Variants in FMR1NB observed in about 807,000 individuals in gnomAD.
FMR1NB encodes FMR1 neighbor, also known as FMR1 neighbor protein.
In FMR1NB, 10 loss-of-function variants were observed where a neutral mutation model predicts 16.8. The ratio of observed to expected loss-of-function variants is 0.60; its 90% CI spans 0.37 to 1.01. The LOEUF is 1.01. Ranked by LOEUF, FMR1NB falls within the 50% of genes least tolerant of loss-of-function variation. FMR1NB has a pLI of 0.01. For synonymous variants in FMR1NB, 83 were observed against 79.1 expected (o/e 1.05, Z -0.26); for missense variants, 205 against 204.8 (o/e 1.00, Z 0.00).
At chrX:147,983,526 T>A (rs2044461674) in intron 1 of FMR1NB, among the ~76,000 whole-genome samples, 1 of 112,376 alleles carries the variant, frequency 8.9e-6, no homozygotes. Flanking sequence ...TGGCCATTCG[T>A]ACATCTTTGG....
rs1484786211 is a variant in FMR1NB, at chrX:148,025,274, G to C, written c.*13+261G>C. ...TCAGCTTTTCAGAGGGAGAAAAGAAGTTGATCCTGCCCACTCTGACTCTAT... is the reference window on the plus strand; with the variant it reads ...TCAGCTTTTCAGAGGGAGAAAAGAACTTGATCCTGCCCACTCTGACTCTAT... On this transcript the variant is annotated intron_variant, in intron 5 of 5. Transcript: ENST00000370467. 5.4e-5 allele frequency among the ~76,000 whole-genome samples: 6 copies of C among 111,463 alleles called. No homozygotes were observed. In the Admixed American group the frequency reaches 5.7e-4, roughly 11 times the overall value.
At chrX:148,003,450 T>A (rs1158000899) in intron 2 of FMR1NB, 130 bp downstream of exon 2, 16 of 707,039 alleles carry the variant, frequency 2.3e-5, no homozygotes, top group Non-Finnish European at 3.3e-5. Context: ...CTGGCTCTGC[T>A]CTTTGGCTTA....
intron 4 of FMR1NB, among the ~76,000 whole-genome samples, chrX:148,020,085 T>C (rs2044671091): frequency 8.9e-6 from 1 of 112,336 alleles, no homozygotes. Context: ...CCCAGTGTTC[T>C]GTTGTACTGC....
chrX:148,016,964 A>C (rs1411043904), intron 4 of FMR1NB, among the ~76,000 whole-genome samples: 5 of 111,429 alleles, frequency 4.5e-5, no homozygotes, highest in African/African-American at 1.6e-4. Flanking sequence ...TTGTACCTTC[A>C]GATGATTTAT....
intron 4 of FMR1NB, among the ~76,000 whole-genome samples, chrX:148,024,398 G>A (rs782455887): frequency 9.0e-6 from 1 of 111,730 alleles, no homozygotes; most frequent in African/African-American, 3.2e-5. Context: ...ATACAAGGAG[G>A]TACGAGATTG....
intron 1 of FMR1NB, among the ~76,000 whole-genome samples, chrX:147,985,297 T>G (rs972686334): frequency 8.9e-6 from 1 of 111,824 alleles, no homozygotes; most frequent in Non-Finnish European, 1.9e-5. Flanking sequence ...ATTTTTTTTG[T>G]TGAAACATTT....
In FMR1NB at chrX:148,006,750, A is replaced by G; in HGVS notation, c.446A>G (p.Gln149Arg). Residue 149 changes from glutamine to arginine, a missense_variant, in exon 3 of 6, where the codon CAA becomes CGA. By Grantham distance (43) the Gln-to-Arg change is conservative. Coordinates refer to ENST00000370467, the MANE Select transcript of FMR1NB (RefSeq NM_152578.3). ...NQVAKPCNEL[Q>R]DLSESECLRH... is the part of the protein sequence containing the mutation. ...GTGGCAAAGCCTTGTAATGAGCTGC[A>G]AGATCTTAGTGAGAGTGAATGTTTG... is the stretch of plus-strand genomic sequence containing the variant. 8.3e-7 allele frequency: 1 copy of G among 1,209,691 alleles called. No individual in the cohort carries two copies. Among genetic ancestry groups the G allele is most frequent in the Non-Finnish European group, 1.1e-6 (1 of 894,369 alleles).
At chrX:147,982,033 T>C (rs1320382629) in intron 1 of FMR1NB, among the ~76,000 whole-genome samples, 1 of 111,952 alleles carries the variant, frequency 8.9e-6, no homozygotes, top group Non-Finnish European at 1.9e-5. Context: ...CTCACATCTG[T>C]AATCCCAGCA....
chrX:147,989,590 C>T (rs1053400669), intron 1 of FMR1NB, among the ~76,000 whole-genome samples: 2 of 112,035 alleles, frequency 1.8e-5, no homozygotes, highest in African/African-American at 6.5e-5. Flanking sequence ...CAGGCAGGAA[C>T]GTTTAAGTCT....
intron 2 of FMR1NB, among the ~76,000 whole-genome samples, chrX:148,006,009 G>A (rs782763896): frequency 9.0e-6 from 1 of 111,671 alleles, no homozygotes; most frequent in Non-Finnish European, 1.9e-5. Context: ...CTAATATTGT[G>A]CTTTTTAGTT....
At chrX:147,994,524 A>T (rs2044532048) in intron 1 of FMR1NB, among the ~76,000 whole-genome samples, 1 of 112,534 alleles carries the variant, frequency 8.9e-6, no homozygotes, top group Admixed American at 9.4e-5. Flanking sequence ...GTATTTCTGA[A>T]TTACTGTATT....
intron 1 of FMR1NB, among the ~76,000 whole-genome samples, chrX:147,987,417 T>C (rs1356834535): frequency 8.9e-6 from 1 of 111,962 alleles, no homozygotes; most frequent in Non-Finnish European, 1.9e-5. Flanking sequence ...TCAAAGGGAA[T>C]GCTTCCAGCT....
chrX:147,986,761 C>A (rs1557187121), intron 1 of FMR1NB, among the ~76,000 whole-genome samples: 1 of 111,543 alleles, frequency 9.0e-6, no homozygotes. Context: ...TGTGATGCCT[C>A]CAGCTTTGTT....
At chrX:147,997,796 T>C (rs1030264625) in intron 1 of FMR1NB, among the ~76,000 whole-genome samples, 2 of 111,007 alleles carry the variant, frequency 1.8e-5, no homozygotes, top group African/African-American at 6.6e-5. Context: ...GGGCAAAGGA[T>C]ATGAACAGAC....
chrX:148,012,522 G>A (rs1329020527), intron 4 of FMR1NB, among the ~76,000 whole-genome samples: 1 of 111,683 alleles, frequency 9.0e-6, no homozygotes, highest in African/African-American at 3.3e-5. Context: ...TGACAAAACT[G>A]TGTTTTCTTT....
chrX:148,013,414 A>G (rs111609846), intron 4 of FMR1NB, among the ~76,000 whole-genome samples: 28 of 111,573 alleles, frequency 2.5e-4, no homozygotes, highest in African/African-American at 9.1e-4. Context: ...TCCTCTTACA[A>G]TTTTGATCCA....
intron 4 of FMR1NB, among the ~76,000 whole-genome samples, chrX:148,019,807 C>A (rs141652810): frequency 0.027 from 3,024 of 111,673 alleles, 120 homozygotes; most frequent in African/African-American, 0.094. Flanking sequence ...GTGAGGTGAC[C>A]CAAACACCAC....
At chrX:148,004,883 G>T (rs2044588193) in intron 2 of FMR1NB, among the ~76,000 whole-genome samples, 1 of 112,277 alleles carries the variant, frequency 8.9e-6, no homozygotes, top group Admixed American at 9.4e-5. Context: ...ATTTGAGCTT[G>T]AAAGTTAATT....
At chrX:147,986,670 T>C (rs782248983) in intron 1 of FMR1NB, among the ~76,000 whole-genome samples, 12 of 111,423 alleles carry the variant, frequency 1.1e-4, no homozygotes, top group Non-Finnish European at 1.7e-4. Context: ...TTCTGTTCCA[T>C]TTTTCTATAT....
Sources: allele counts gnomAD v4.1 joint callset (sites outside exome capture counted in the v4.1 genomes callset), GRCh38; gene constraint gnomAD v4.1.1; transcripts MANE v1.5; gene names NCBI Gene and HGNC (gene_info 2026-07-23, HGNC 2026-07-21).